Variants in NDUFS4 observed in about 807,000 individuals in gnomAD.
NDUFS4 encodes NADH:ubiquinone oxidoreductase subunit S4, also known as NADH dehydrogenase [ubiquinone] iron-sulfur protein 4, mitochondrial.
A neutral mutation model predicts 24.3 loss-of-function variants in NDUFS4; 28 were observed. The observed-to-expected ratio is 1.15, with a 90% confidence interval of 0.85 to 1.58. The LOEUF is 1.58. NDUFS4 is among the 40% of genes most tolerant of loss of function. The pLI is 0.00. For missense variants in NDUFS4, 223 were observed against 207.9 expected, an observed-to-expected ratio of 1.07 and a Z score of -0.45; for synonymous variants, 93 against 69.7, an observed-to-expected ratio of 1.34 and a Z score of -1.67.
At chr5:53,574,562 A>G (rs1749324181) in intron 1 of NDUFS4, among the ~76,000 whole-genome samples, 1 of 152,146 alleles carries the variant, frequency 6.6e-6, no homozygotes, top group Non-Finnish European at 1.5e-5. Flanking sequence ...ATTTGGTATC[A>G]GGGTAATGCT....
At chr5:53,588,700 C>A (rs965554051) in intron 1 of NDUFS4, among the ~76,000 whole-genome samples, 1 of 152,114 alleles carries the variant, frequency 6.6e-6, no homozygotes, top group Admixed American at 6.5e-5. Flanking sequence ...GCAAATACAC[C>A]ACTCTTAGGC....
At chr5:53,674,746 A>G (rs374321681) in intron 4 of NDUFS4, among the ~76,000 whole-genome samples, 18 of 152,210 alleles carry the variant, frequency 1.2e-4, no homozygotes, top group Admixed American at 7.9e-4. Context: ...TCAATAATGA[A>G]TCAATTTGGT....
intron 2 of NDUFS4, among the ~76,000 whole-genome samples, chr5:53,639,023 C>T (rs968489684): frequency 7.9e-5 from 12 of 152,108 alleles, no homozygotes; most frequent in African/African-American, 2.9e-4. Context: ...GCTTTCTCTT[C>T]CTGCTTTTTT....
At chr5:53,632,979 T>G (rs1436504579) in intron 2 of NDUFS4, among the ~76,000 whole-genome samples, 1 of 152,180 alleles carries the variant, frequency 6.6e-6, no homozygotes, top group Non-Finnish European at 1.5e-5. Flanking sequence ...CTAACACCCT[T>G]GACATACTAC....
intron 2 of NDUFS4, among the ~76,000 whole-genome samples, chr5:53,614,948 A>G (rs951409130): frequency 1.3e-5 from 2 of 151,906 alleles, no homozygotes; most frequent in Non-Finnish European, 1.5e-5. Flanking sequence ...TTATTAGTCT[A>G]TTACTCATTA....
chr5:53,659,131 G>T (rs1273831479), intron 4 of NDUFS4, among the ~76,000 whole-genome samples: 3 of 152,040 alleles, frequency 2.0e-5, no homozygotes, highest in Non-Finnish European at 1.5e-5. Flanking sequence ...TCTAGATATA[G>T]TGGGCCTAAT....
At chr5:53,636,328 A>T (rs1751550679) in intron 2 of NDUFS4, among the ~76,000 whole-genome samples, 1 of 152,240 alleles carries the variant, frequency 6.6e-6, no homozygotes, top group Non-Finnish European at 1.5e-5. Context: ...CACAGTTTGT[A>T]AGACTTCAGG....
At chr5:53,632,109 C>T (rs1288487224) in intron 2 of NDUFS4, among the ~76,000 whole-genome samples, 1 of 152,244 alleles carries the variant, frequency 6.6e-6, no homozygotes, top group Non-Finnish European at 1.5e-5. Flanking sequence ...CACCCATCTT[C>T]TGCATCAGTC....
chr5:53,578,810 T>C (rs957893849), intron 1 of NDUFS4, among the ~76,000 whole-genome samples: 2 of 152,216 alleles, frequency 1.3e-5, no homozygotes, highest in Admixed American at 6.5e-5. Flanking sequence ...TTTCTTACTT[T>C]CTTTTTTCTT....
chr5:53,601,368 T>G (rs1048925323), intron 1 of NDUFS4, among the ~76,000 whole-genome samples: 15 of 152,196 alleles, frequency 9.9e-5, no homozygotes, highest in South Asian at 4.1e-4. Context: ...AACCTAAAAT[T>G]ATTAAAATAA....
At chr5:53,565,445 G>A (rs937723511) in intron 1 of NDUFS4, among the ~76,000 whole-genome samples, 5 of 152,268 alleles carry the variant, frequency 3.3e-5, no homozygotes, top group Admixed American at 2.6e-4. Context: ...GTTTATTTGT[G>A]TGTACTTCAT....
rs1438761398 is a variant in NDUFS4 at position 53,560,651 on chromosome 5, G to C, written c.-12G>C. ...GATCCGTCCTTTCATCCTGGCGTTTGCCTGCAGCAAGATGGCGGCGGTGTC... is the reference window on the plus strand; with the variant it reads ...GATCCGTCCTTTCATCCTGGCGTTTCCCTGCAGCAAGATGGCGGCGGTGTC... On this transcript the variant is annotated 5_prime_UTR_variant, in exon 1 of 5. Transcript: ENST00000296684. The C allele has an allele frequency of 1.2e-6, 2 of 1,614,248 alleles. No homozygotes were observed. Among genetic ancestry groups the C allele is most frequent in the East Asian group, 4.5e-5 (2 of 44,878 alleles).
chr5:53,606,275 G>A (rs2112460702), intron 2 of NDUFS4, among the ~76,000 whole-genome samples: 1 of 152,304 alleles, frequency 6.6e-6, no homozygotes, highest in South Asian at 2.1e-4. Flanking sequence ...CACAAGCATG[G>A]CACCAGCATT....
At chr5:53,644,857 A>T (rs1366933516) in intron 2 of NDUFS4, among the ~76,000 whole-genome samples, 4 of 152,116 alleles carry the variant, frequency 2.6e-5, no homozygotes. Context: ...TAAATAGAGG[A>T]TTGGTTGCCA....
In NDUFS4 at chr5:53,591,471, G is replaced by T. The variant is rs1391479374; in HGVS notation, c.99-11981G>T. Reference sequence around the variant, plus strand: ...TTTGTTTGTTTTTTTTGGGGGGGGGGGGTGATAATAACTATCGTAATAAAT... The same window carrying T: ...TTTGTTTGTTTTTTTTGGGGGGGGGTGGTGATAATAACTATCGTAATAAAT... On this transcript the variant is annotated intron_variant, in intron 1 of 4. Transcript: ENST00000296684. Among the ~76,000 whole-genome samples, 21 of 128,214 alleles carry T rather than the reference G, an allele frequency of 1.6e-4. 2 individuals carry two copies. The highest frequency in any genetic ancestry group is 5.8e-4 in the South Asian group (2 of 3,472). The allele number at this position is 128,214 out of a possible 152,430, so 84.1% of individuals were successfully genotyped here.
intron 2 of NDUFS4, among the ~76,000 whole-genome samples, chr5:53,609,647 C>G (rs1750638324): frequency 1.3e-5 from 2 of 152,270 alleles, no homozygotes; most frequent in South Asian, 4.1e-4. Flanking sequence ...CTATGAAAGT[C>G]CTAGCTGGCA....
rs11414085 is a variant in NDUFS4 at position 53,603,336 on chromosome 5, C to CTTT, written c.99-103_99-101dup. On this transcript the variant is annotated intron_variant, in intron 1 of 4. Transcript: ENST00000296684. The stretch of plus-strand genomic sequence containing the variant: ...TGCCCTCTTCTCTTTCTTTCCTTTC[C>CTTT]TTTTTTTTTTTTTTTAATAAGACAG... 0.17 allele frequency: 85,568 copies of CTTT among 501,518 alleles called. 7,161 individuals carry two copies. The highest frequency in any genetic ancestry group is 0.3 in the African/African-American group (13,931 of 46,466). 31.1% of individuals were successfully genotyped at this position (501,518 alleles called of 1,614,324 possible). A position where few individuals can be genotyped will look rare whatever the true frequency, so the allele number is the denominator to read the frequency against.
intron 1 of NDUFS4, among the ~76,000 whole-genome samples, chr5:53,595,915 C>G (rs1175650629): frequency 2.0e-5 from 3 of 152,132 alleles, no homozygotes; most frequent in African/African-American, 2.4e-5. Context: ...GAGGTGCTTA[C>G]TTTTTACTGA....
At chr5:53,673,062 G>A (rs1414364294) in intron 4 of NDUFS4, among the ~76,000 whole-genome samples, 2 of 152,132 alleles carry the variant, frequency 1.3e-5, no homozygotes, top group Admixed American at 1.3e-4. Context: ...GGGCAAAGCA[G>A]TACAAGGACT....
Sources: gnomAD v4.1 joint callset for allele counts (sites outside exome capture counted in the v4.1 genomes callset) on GRCh38, gnomAD v4.1.1 for gene constraint, MANE v1.5 for transcripts, NCBI Gene and HGNC (gene_info 2026-07-23, HGNC 2026-07-21) for gene names.